Variants in ANKRD24 observed in about 807,000 individuals in gnomAD.
ANKRD24 encodes ankyrin repeat domain 24, also known as ankyrin repeat domain-containing protein 24.
ANKRD24 carries 109 observed loss-of-function variants against 127.8 expected under a neutral mutation model. The observed-to-expected ratio is 0.85, with a 90% CI of 0.73 to 1.00. ANKRD24 has a LOEUF of 1.00. Among genes scored for constraint, ANKRD24 ranks in the 50% least tolerant of loss-of-function variants. The probability of loss-of-function intolerance (pLI) is 0.00; values close to 1 mark genes in which losing one functional copy is unlikely to be tolerated. For missense variants in ANKRD24, 1,648 were observed against 1,570.2 expected (o/e 1.05, Z -0.84); for synonymous variants, 743 against 671.1 (o/e 1.11, Z -1.66).
At position 4,207,941 on chromosome 19, in the gene ANKRD24, G is replaced by A. The variant is rs1389740111; in HGVS notation, c.805G>A (p.Ala269Thr). The A allele has an allele frequency of 6.5e-7, 1 of 1,527,556 alleles. No individual in the cohort carries two copies. The highest frequency in any genetic ancestry group is 1.3e-5 in the South Asian group (1 of 76,972). 94.6% of individuals were successfully genotyped at this position (1,527,556 alleles called of 1,614,324 possible). The part of the protein sequence containing the change: ...DKLILHLLQE[A>T]AQRPSPPSAL... ...ACTCATCCTGCACCTTCTGCAAGAG[G>A]CGGCCCAGCGCCCCTCCCCACCCAG... is the stretch of plus-strand genomic sequence containing the variant. The change falls in exon 10 of 22, where the codon GCG (alanine) becomes ACG (threonine). Residue 269 changes from alanine to threonine, a missense_variant. Physicochemically the swap from Ala to Thr is moderately conservative, Grantham distance 58. Coordinates refer to ENST00000318934, the MANE Select transcript of ANKRD24 (RefSeq NM_001393985.1).
chr19:4,189,243 C>CTTTTTTTTTTTTTTTTTTTT (rs398033749), intron 2 of ANKRD24, among the ~76,000 whole-genome samples: 4 of 73,952 alleles, frequency 5.4e-5, no homozygotes, highest in Non-Finnish European at 7.5e-5. Context: ...TTTCTTTCTT[C>CTTTTTTTTTTTTTTTTTTTT]TTTTTTTTTT....
At chr19:4,187,015 A>G (rs1696533246) in intron 2 of ANKRD24, among the ~76,000 whole-genome samples, 1 of 152,186 alleles carries the variant, frequency 6.6e-6, no homozygotes, top group South Asian at 2.1e-4. Context: ...ACAAAGCAGG[A>G]AAAGGGAATT....
rs1404000100 is a variant in ANKRD24, at chr19:4,199,638, A to C, written c.37-45A>C. 1.3e-6 allele frequency: 2 copies of C among 1,497,598 alleles called. No individual in the cohort carries two copies. Among genetic ancestry groups the C allele is most frequent in the South Asian group, 2.6e-5 (2 of 78,244 alleles). 92.8% of individuals were successfully genotyped at this position (1,497,598 alleles called of 1,614,324 possible). On this transcript the variant is annotated intron_variant, in intron 2 of 21. Coordinates refer to ENST00000318934, the MANE Select transcript of ANKRD24 (RefSeq NM_001393985.1). This position sits in a 1 kb window ranked among gnomAD's most constrained non-coding sequence, Gnocchi z 5.2. ...ATGCTGGGGGTCGCAGGCTTGGGGG[A>C]CACTGTCTGAGGACCCCCTCGCCCA...
chr19:4,218,360 T>C (rs1229483238), intron 18 of ANKRD24, among the ~76,000 whole-genome samples, 197 bp downstream of exon 18: 3 of 151,612 alleles, frequency 2.0e-5, no homozygotes, highest in South Asian at 2.1e-4. Context: ...AGTGTAGTGG[T>C]GTGATCTCAG....
intron 5 of ANKRD24, among the ~76,000 whole-genome samples, chr19:4,200,638 C>T (rs140509728): frequency 5.8e-4 from 89 of 152,242 alleles, no homozygotes; most frequent in African/African-American, 1.8e-3. Flanking sequence ...CCTCCAACCT[C>T]AGCCTCCCAA....
At chr19:4,203,957 C>CTT (rs34885254) in intron 7 of ANKRD24, among the ~76,000 whole-genome samples, 1,372 of 62,344 alleles carry the variant, frequency 0.022, 18 homozygotes, top group Non-Finnish European at 0.029. Context: ...GCCCTTCTCC[C>CTT]TTTTTTTTTT....
chr19:4,183,548 A>T, intron 1 of ANKRD24: 1 of 173,112 alleles, frequency 5.8e-6, no homozygotes, highest in Non-Finnish European at 1.2e-5. Flanking sequence ...GGGGGCTCAC[A>T]GGAGGCACCT....
In ANKRD24 at chr19:4,198,597, C is replaced by T; in HGVS notation, c.37-1086C>T. 1 of 439,144 alleles carries T rather than the reference C, an allele frequency of 2.3e-6. No individual in the cohort carries two copies. The highest frequency in any genetic ancestry group is 5.9e-4 in the Middle Eastern group (1 of 1,684). The allele number at this position is 439,144 out of a possible 1,614,324, so 27.2% of individuals were successfully genotyped here. ...GGGTACCTCCTCTCCCCTCCCTTCC[C>T]CGTCCCCGGCTGACCTGGACCACCC... On this transcript the variant is annotated intron_variant, in intron 2 of 21. Coordinates refer to ENST00000318934, the MANE Select transcript of ANKRD24 (RefSeq NM_001393985.1). This position sits in a 1 kb window ranked among gnomAD's most constrained non-coding sequence, Gnocchi z 6.1.
At chr19:4,207,085 C>CT (rs34475477) in intron 7 of ANKRD24, 157 bp from the exon 8 acceptor site, 6,216 of 429,672 alleles carry the variant, frequency 0.014, 26 homozygotes, top group South Asian at 0.019. Context: ...ATAATGTTTG[C>CT]TTTTTTTTTT....
At position 4,222,657 on chromosome 19, in the gene ANKRD24, C is replaced by T. The variant is rs773248095; in HGVS notation, c.3172-13C>T. The stretch of plus-strand genomic sequence containing the variant: ...GGGCTTAGGGTGATCGCTGACAGCA[C>T]CTGCACCCTCAGATCACAGAACTCT... On this transcript the variant is annotated splice_polypyrimidine_tract_variant and intron_variant, in intron 19 of 21. Coordinates refer to ENST00000318934, the MANE Select transcript of ANKRD24 (RefSeq NM_001393985.1). The T allele has an allele frequency of 3.1e-6, 5 of 1,594,924 alleles. No individual in the cohort carries two copies. The highest frequency in any genetic ancestry group is 1.7e-4 in the Middle Eastern group (1 of 5,994).
chr19:4,210,485 C>T (rs1461167582), intron 13 of ANKRD24, 113 bp downstream of exon 13: 1 of 997,970 alleles, frequency 1.0e-6, no homozygotes, highest in Non-Finnish European at 1.5e-6. Context: ...TCCCTCCCCA[C>T]CCTGCTGCAG....
rs373157110 is a variant in ANKRD24, at chr19:4,199,991, C to T, written c.240C>T (p.Pro80=). The stretch of plus-strand genomic sequence containing the variant: ...GGCTGGTGCCCACGAAGCTAGACCC[C>T]GAGGGCAAGTCCGCGTGAGTGCCCG... ...RKGLVPTKLD[P]EGKSAFHLAA... The change falls in exon 4 of 22, where the codon CCC becomes CCT. Residue 80 remains proline, a synonymous_variant. Coordinates refer to ENST00000318934, the MANE Select transcript of ANKRD24 (RefSeq NM_001393985.1). The surrounding 1 kb of genome is among the most constrained non-coding windows in gnomAD (Gnocchi z 5.2). 34 of 1,564,850 alleles carry T rather than the reference C, an allele frequency of 2.2e-5. No individual in the cohort carries two copies. Among genetic ancestry groups the T allele is most frequent in the Non-Finnish European group, 2.9e-5 (34 of 1,154,466 alleles).
intron 7 of ANKRD24, among the ~76,000 whole-genome samples, chr19:4,205,942 A>C (rs184581982): frequency 0.017 from 2,537 of 151,806 alleles, 69 homozygotes; most frequent in African/African-American, 0.058. Flanking sequence ...GGCAATCGAG[A>C]CCATCCTGGC....
Position 4,210,418 on chromosome 19 carries a change from T to C in ANKRD24, c.1059+46T>C, listed in dbSNP as rs375418757. On this transcript the variant is annotated intron_variant, in intron 13 of 21. Transcript: ENST00000318934. The stretch of plus-strand genomic sequence containing the variant: ...TGGGCGTGGGCCAGCCTGGGTGGGG[T>C]CAATGCAGGCATGAAGATCCCCCTA... The C allele has an allele frequency of 1.7e-3, 2,489 of 1,457,450 alleles. 9 individuals are homozygous for C. The highest frequency in any genetic ancestry group is 1.5e-3 in the Non-Finnish European group (1,600 of 1,078,102). The allele number at this position is 1,457,450 out of a possible 1,614,324, so 90.3% of individuals were successfully genotyped here.
rs1195083686 is a variant in ANKRD24 at position 4,199,422 on chromosome 19, G to A, written c.37-261G>A. On this transcript the variant is annotated intron_variant, in intron 2 of 21. Coordinates refer to ENST00000318934, the MANE Select transcript of ANKRD24 (RefSeq NM_001393985.1). This position sits in a 1 kb window ranked among gnomAD's most constrained non-coding sequence, Gnocchi z 5.2. Reference sequence around the variant, plus strand: ...AGACGGGGTCCTACTATGGTGCCCAGGTTTGTCTCAAACTCCTAGGCTCAA... The same window carrying A: ...AGACGGGGTCCTACTATGGTGCCCAAGTTTGTCTCAAACTCCTAGGCTCAA... 3 of 825,486 alleles carry A rather than the reference G, an allele frequency of 3.6e-6. No individual in the cohort carries two copies. The highest frequency in any genetic ancestry group is 4.4e-6 in the Non-Finnish European group (3 of 684,400). 51.1% of individuals were successfully genotyped at this position (825,486 alleles called of 1,614,324 possible).
chr19:4,195,224 C>T lies in ANKRD24; in HGVS notation c.37-4459C>T, dbSNP rs558233636. Among the ~76,000 whole-genome samples, 368 of 152,192 alleles carry T rather than the reference C, an allele frequency of 2.4e-3. 2 individuals carry two copies. The highest frequency in any genetic ancestry group is 7.1e-3 in the African/African-American group (295 of 41,554). Reference sequence around the variant, plus strand: ...AGTAGCTGGGACTACAGGCGCCCACCACCACGCCCGGCTAATTTTTTGTAT... The same window carrying T: ...AGTAGCTGGGACTACAGGCGCCCACTACCACGCCCGGCTAATTTTTTGTAT... On this transcript the variant is annotated intron_variant, in intron 2 of 21. Coordinates refer to ENST00000318934, the MANE Select transcript of ANKRD24 (RefSeq NM_001393985.1). This position sits in a 1 kb window ranked among gnomAD's most constrained non-coding sequence, Gnocchi z 4.2.
At chr19:4,204,927 C>A (rs1969299279) in intron 7 of ANKRD24, among the ~76,000 whole-genome samples, 1 of 152,082 alleles carries the variant, frequency 6.6e-6, no homozygotes, top group African/African-American at 2.4e-5. Context: ...CATGGTGAAA[C>A]CCTGTCTCTA....
chr19:4,216,508 A>G, intron 17 of ANKRD24, 42 bp from the exon 18 acceptor site: 1 of 1,570,588 alleles, frequency 6.4e-7, no homozygotes, highest in Non-Finnish European at 8.6e-7. Context: ...CCACGGTCAC[A>G]TCAACTCCTG....
chr19:4,210,443 A>C, intron 13 of ANKRD24, 71 bp downstream of exon 13: 1 of 1,310,596 alleles, frequency 7.6e-7, no homozygotes, highest in Non-Finnish European at 1.0e-6. Context: ...AGATCCCCCT[A>C]CTTTTCTCCC....
Sources: gnomAD v4.1 joint callset for allele counts (sites outside exome capture counted in the v4.1 genomes callset) on GRCh38, gnomAD v4.1.1 for gene constraint, Gnocchi (gnomAD v3.1) non-coding constraint, MANE v1.5 for transcripts, NCBI Gene and HGNC (gene_info 2026-07-23, HGNC 2026-07-21) for gene names.